GPD1L: variants seen among roughly 807,000 people sequenced by gnomAD.
GPD1L encodes the protein glycerol-3-phosphate dehydrogenase 1 like, also known as glycerol-3-phosphate dehydrogenase 1-like protein.
Under a neutral mutation model 32.9 loss-of-function variants are expected in GPD1L, and 17 were observed. That is an observed-to-expected ratio of 0.52 (90% CI 0.35 to 0.78). GPD1L has a LOEUF of 0.78. Among genes scored for constraint, GPD1L ranks in the 30% least tolerant of loss-of-function variants. The probability of loss-of-function intolerance (pLI) is 0.01; values close to 1 mark genes in which losing one functional copy is unlikely to be tolerated. For synonymous variants in GPD1L, 187 were observed against 165.9 expected (o/e 1.13, Z -0.98); for missense variants, 361 against 447.8 (o/e 0.81, Z 1.75).
intron 1 of GPD1L, among the ~76,000 whole-genome samples, chr3:32,121,587 T>TA (rs1372435948): frequency 7.9e-6 from 1 of 127,132 alleles, no homozygotes; most frequent in African/African-American, 3.3e-5. Context: ...ATATATATAT[T>TA]TCTATATATA....
intron 2 of GPD1L, among the ~76,000 whole-genome samples, chr3:32,135,492 G>T (rs374665406): frequency 6.6e-6 from 1 of 152,034 alleles, no homozygotes; most frequent in African/African-American, 2.4e-5. Flanking sequence ...TTGCTCTGTC[G>T]CCCAGGCTGG....
At chr3:32,151,514 C>G in intron 5 of GPD1L, 2 of 302,378 alleles carry the variant, frequency 6.6e-6, no homozygotes, top group Non-Finnish European at 1.2e-5. Flanking sequence ...GGGTCTCACT[C>G]TGTTGCCCAG....
At position 32,128,008 on chromosome 3, in the gene GPD1L, T is replaced by C. The variant is rs1700536348; in HGVS notation, c.48-68T>C. 19 of 1,114,990 alleles carry C rather than the reference T, an allele frequency of 1.7e-5. No individual in the cohort carries two copies. In the Admixed American group the frequency reaches 2.6e-4, roughly 15 times the overall value. 69.1% of individuals were successfully genotyped at this position (1,114,990 alleles called of 1,614,324 possible). A position where few individuals can be genotyped will look rare whatever the true frequency, so the allele number is the denominator to read the frequency against. The stretch of plus-strand genomic sequence containing the variant: ...ATCAAAACACAAGTCTTCTGAATTT[T>C]AATCAAACGCTTTTTCTCTCCCGCC... On this transcript the variant is annotated intron_variant, in intron 1 of 7. Transcript: ENST00000282541.
At chr3:32,159,489 A>AG in intron 6 of GPD1L, 79 bp from the exon 7 acceptor site, 1 of 959,806 alleles carries the variant, frequency 1.0e-6, no homozygotes, top group African/African-American at 1.7e-5. Flanking sequence ...AAGAAAAAAA[A>AG]CACTTAAAAA....
In GPD1L at chr3:32,158,958, T is replaced by C; in HGVS notation, c.701T>C (p.Leu234Pro). The change falls in exon 6 of 8, where the codon CTC (leucine) becomes CCC (proline). Residue 234 changes from leucine (L) to proline (P), a missense_variant. Physicochemically the swap from Leu to Pro is moderately conservative, Grantham distance 98. Transcript: ENST00000282541. ...AAAGCGGCCGTCATCCGCCTGGGAC[T>C]CATGGAAATGATTGCTTTTGCCAGG... ...NTKAAVIRLG[L>P]MEMIAFARIF... 1 of 1,614,122 alleles carries C rather than the reference T, an allele frequency of 6.2e-7. No homozygotes were observed. The highest frequency in any genetic ancestry group is 8.5e-7 in the Non-Finnish European group (1 of 1,180,014).
Position 32,159,626 on chromosome 3 carries a change from C to T in GPD1L, c.911C>T (p.Thr304Ile), listed in dbSNP as rs1360642332. ...GGGCAAAAGCTCCAAGGACCGCAGA[C>T]TTCTGCTGAAGTGTACCGCATCCTC... ...LNGQKLQGPQ[T>I]SAEVYRILKQ... Residue 304 changes from threonine to isoleucine, a missense_variant, in exon 7 of 8, where the codon ACT (threonine) becomes ATT (isoleucine). Coordinates refer to ENST00000282541, the MANE Select transcript of GPD1L (RefSeq NM_015141.4). 4 of 1,613,130 alleles carry T rather than the reference C, an allele frequency of 2.5e-6. No homozygotes were observed. Among genetic ancestry groups the T allele is most frequent in the African/African-American group, 1.3e-5 (1 of 74,898 alleles).
chr3:32,142,387 G>A (rs1700757983), intron 4 of GPD1L, among the ~76,000 whole-genome samples: 1 of 152,108 alleles, frequency 6.6e-6, no homozygotes. Flanking sequence ...AAAGTGCTGG[G>A]ATTACAGATG....
intron 5 of GPD1L, among the ~76,000 whole-genome samples, chr3:32,150,504 T>C (rs1420829151): frequency 6.6e-6 from 1 of 151,720 alleles, no homozygotes; most frequent in African/African-American, 2.4e-5. Context: ...ACAACTTTTT[T>C]TTTTTTTTGA....
chr3:32,141,194 G>A (rs892057311), intron 4 of GPD1L, among the ~76,000 whole-genome samples: 1 of 152,204 alleles, frequency 6.6e-6, no homozygotes, highest in Non-Finnish European at 1.5e-5. Flanking sequence ...TCTTGCATGA[G>A]ATGAATGCGC....
intron 2 of GPD1L, 47 bp downstream of exon 2, chr3:32,128,300 G>A (rs747216763): frequency 2.0e-6 from 3 of 1,489,268 alleles, no homozygotes; most frequent in Admixed American, 3.3e-5. Context: ...TGCAAGTTGT[G>A]CTTGGCTGAG....
intron 1 of GPD1L, among the ~76,000 whole-genome samples, chr3:32,115,411 A>G (rs1033962128): frequency 3.3e-5 from 5 of 152,210 alleles, no homozygotes; most frequent in Non-Finnish European, 7.3e-5. Context: ...AAAGTTCTCC[A>G]AGTCCCCACT....
At chr3:32,146,280 G>T (rs79282795) in intron 4 of GPD1L, among the ~76,000 whole-genome samples, 1 of 151,730 alleles carries the variant, frequency 6.6e-6, no homozygotes, top group Admixed American at 6.6e-5. Context: ...TAGAGATGGG[G>T]TTTCACCATG....
chr3:32,120,728 A>G (rs1186531596), intron 1 of GPD1L, among the ~76,000 whole-genome samples: 1 of 152,228 alleles, frequency 6.6e-6, no homozygotes, highest in Non-Finnish European at 1.5e-5. Flanking sequence ...CAAGCATGCA[A>G]GTTATACATA....
chr3:32,163,069 A>G (rs1701093145), intron 7 of GPD1L, among the ~76,000 whole-genome samples: 1 of 150,422 alleles, frequency 6.6e-6, no homozygotes, highest in African/African-American at 2.5e-5. Context: ...GGCTTTATTT[A>G]TAATACTGCA....
chr3:32,118,283 C>A (rs763471582), intron 1 of GPD1L, among the ~76,000 whole-genome samples: 1 of 152,204 alleles, frequency 6.6e-6, no homozygotes, highest in Admixed American at 6.5e-5. Context: ...AACACAATAA[C>A]ATTTGCTTGT....
intron 1 of GPD1L, among the ~76,000 whole-genome samples, chr3:32,124,449 C>G (rs1339843446): frequency 6.6e-6 from 1 of 152,232 alleles, no homozygotes; most frequent in Non-Finnish European, 1.5e-5. Context: ...ACTTTCCTTG[C>G]TCTATTTCAT....
At chr3:32,128,612 G>A (rs1700545829) in intron 2 of GPD1L, among the ~76,000 whole-genome samples, 1 of 152,150 alleles carries the variant, frequency 6.6e-6, no homozygotes, top group Admixed American at 6.5e-5. Flanking sequence ...CTCTAATCCT[G>A]TCTCTGTCAT....
At position 32,160,353 on chromosome 3, in the gene GPD1L, A is replaced by AGATG. The variant is rs59046244; in HGVS notation, c.959+707_959+710dup. ...TGGGTGGGTGGGATGGGATGGGATG[A>AGATG]GATGGATGGATGGATGGATGGATGG... On this transcript the variant is annotated intron_variant, in intron 7 of 7. Transcript: ENST00000282541. 1.8e-3 allele frequency among the ~76,000 whole-genome samples: 58 copies of AGATG among 32,932 alleles called. 2 individuals are homozygous for AGATG. The highest frequency in any genetic ancestry group is 5.0e-3 in the African/African-American group (20 of 3,986). The allele number at this position is 32,932 out of a possible 152,430, so 21.6% of individuals were successfully genotyped here. A position where few individuals can be genotyped will look rare whatever the true frequency, so the allele number is the denominator to read the frequency against.
At chr3:32,151,533 G>T (rs1184376202) in intron 5 of GPD1L, 2 of 273,620 alleles carry the variant, frequency 7.3e-6, no homozygotes, top group Non-Finnish European at 1.4e-5. Flanking sequence ...AGGCTGGAGT[G>T]CAGTGGCACA....
Sources: gnomAD v4.1 joint callset for allele counts (sites outside exome capture counted in the v4.1 genomes callset) on GRCh38, gnomAD v4.1.1 for gene constraint, MANE v1.5 for transcripts, NCBI Gene and HGNC (gene_info 2026-07-23, HGNC 2026-07-21) for gene names.